HNRNPA1L2: variants seen among roughly 807,000 people sequenced by gnomAD.
HNRNPA1L2 encodes heterogeneous nuclear ribonucleoprotein A1 like 2, also known as heterogeneous nuclear ribonucleoprotein A1-like 2.
In HNRNPA1L2, 10 loss-of-function variants were observed where a neutral mutation model predicts 18.2. The ratio of observed to expected loss-of-function variants is 0.55; its 90% CI spans 0.34 to 0.93. The LOEUF is 0.93. Ranked by LOEUF, HNRNPA1L2 falls within the 40% of genes least tolerant of loss-of-function variation. HNRNPA1L2 has a pLI of 0.02. For missense variants in HNRNPA1L2, 308 were observed against 394.4 expected (o/e 0.78, Z 1.85); for synonymous variants, 124 against 138.6 (o/e 0.89, Z 0.74).
the HNRNPA1L2 span, among the ~76,000 whole-genome samples, chr13:52,630,011 C>A: frequency 6.6e-6 from 1 of 152,172 alleles, no homozygotes; most frequent in Non-Finnish European, 1.5e-5. Flanking sequence ...TTGCTTGAAT[C>A]TGGGAGGTGG....
In HNRNPA1L2 at chr13:52,642,843, A is replaced by G. The variant is rs754836070; in HGVS notation, c.351A>G (p.Glu117=). 4 of 1,596,492 alleles carry G rather than the reference A, an allele frequency of 2.5e-6. No individual in the cohort carries two copies. In the African/African-American group the frequency reaches 5.3e-5, roughly 21 times the overall value. The change falls in exon 1 of 1, where the codon GAA becomes GAG. Residue 117 remains glutamate, a synonymous_variant. Transcript: ENST00000357495. ...TTGGTGGCATTAAAGAAGACACTGA[A>G]GAACATCACCTAAGAGATTATTTTG... ...IFVGGIKEDT[E]EHHLRDYFEQ... is the part of the protein sequence containing the mutation.
At chr13:52,635,303 CAGGT>C in the HNRNPA1L2 span, among the ~76,000 whole-genome samples, 1 of 151,848 alleles carries the variant, frequency 6.6e-6, no homozygotes, top group African/African-American at 2.4e-5. Flanking sequence ...AGTGTGTAAA[CAGGT>C]AGAGTGGAGG....
chr13:52,623,161 T>C, the HNRNPA1L2 span, among the ~76,000 whole-genome samples: 4 of 152,210 alleles, frequency 2.6e-5, no homozygotes, highest in Non-Finnish European at 5.9e-5. Flanking sequence ...CATATAAGTA[T>C]GTGGAAGTAA....
the HNRNPA1L2 span, among the ~76,000 whole-genome samples, chr13:52,635,621 CACAA>C: frequency 1.6e-5 from 2 of 126,170 alleles, no homozygotes; most frequent in Non-Finnish European, 3.4e-5. Context: ...CACACACACA[CACAA>C]TGCAGGCAAC....
At chr13:52,629,316 G>A in the HNRNPA1L2 span, 1 of 218,772 alleles carries the variant, frequency 4.6e-6, no homozygotes, top group East Asian at 1.1e-4. Context: ...CCAAGGCTAT[G>A]ACAATTATCC....
the HNRNPA1L2 span, among the ~76,000 whole-genome samples, chr13:52,628,449 A>AC: frequency 1.3e-5 from 2 of 152,140 alleles, 1 homozygote; most frequent in South Asian, 4.2e-4. Context: ...TCTCTGAAAG[A>AC]AATTATATTT....
the HNRNPA1L2 span, among the ~76,000 whole-genome samples, chr13:52,621,060 C>A: frequency 6.6e-6 from 1 of 152,062 alleles, no homozygotes; most frequent in Non-Finnish European, 1.5e-5. Flanking sequence ...ATATATTATA[C>A]CCTCTTACTG....
the HNRNPA1L2 span, among the ~76,000 whole-genome samples, chr13:52,628,043 A>G: frequency 6.6e-6 from 1 of 151,936 alleles, no homozygotes; most frequent in African/African-American, 2.4e-5. Context: ...GCTACGTTAG[A>G]CTCCTTGCTG....
chr13:52,622,112 A>G, the HNRNPA1L2 span: 1 of 161,144 alleles, frequency 6.2e-6, no homozygotes. Flanking sequence ...TGTAAAGGAA[A>G]ACAGAGAAAA....
At chr13:52,639,876 G>GTT (rs371984561), upstream of HNRNPA1L2, among the ~76,000 whole-genome samples, 350 of 56,982 alleles carry the variant, frequency 6.1e-3, 15 homozygotes, top group African/African-American at 0.021. Context: ...TGTTGTTCTT[G>GTT]TTTTTTTTTT....
the HNRNPA1L2 span, among the ~76,000 whole-genome samples, chr13:52,618,873 T>C: frequency 2.0e-5 from 3 of 152,242 alleles, no homozygotes; most frequent in Non-Finnish European, 4.4e-5. Flanking sequence ...GAGTTACTTA[T>C]ACATAATTTT....
At chr13:52,640,016 T>A (rs1391430835), upstream of HNRNPA1L2, among the ~76,000 whole-genome samples, 1 of 151,216 alleles carries the variant, frequency 6.6e-6, no homozygotes, top group Non-Finnish European at 1.5e-5. Context: ...CTTGGCTCAC[T>A]GCAACTGTCA....
the HNRNPA1L2 span, among the ~76,000 whole-genome samples, chr13:52,633,123 T>C: frequency 1.6e-3 from 241 of 152,352 alleles, no homozygotes; most frequent in African/African-American, 5.6e-3. Flanking sequence ...GATTAGCCAC[T>C]AATTTGGGTT....
the HNRNPA1L2 span, among the ~76,000 whole-genome samples, chr13:52,634,794 G>A: frequency 1.3e-5 from 2 of 152,104 alleles, no homozygotes; most frequent in African/African-American, 4.8e-5. Context: ...TTGGTGTTGT[G>A]TAGGTCTGGA....
chr13:52,620,942 T>C, the HNRNPA1L2 span, among the ~76,000 whole-genome samples: 1 of 152,112 alleles, frequency 6.6e-6, no homozygotes, highest in Admixed American at 6.5e-5. Flanking sequence ...CACATCAGCT[T>C]CATATAAGTA....
upstream of HNRNPA1L2, chr13:52,642,163 C>G: frequency 3.0e-6 from 1 of 337,210 alleles, no homozygotes; most frequent in Non-Finnish European, 5.4e-6. Context: ...ATATGGCCAA[C>G]AATGTGGGGT....
the HNRNPA1L2 span, among the ~76,000 whole-genome samples, chr13:52,618,604 A>G: frequency 3.3e-5 from 5 of 152,344 alleles, no homozygotes; most frequent in East Asian, 1.9e-4. Context: ...GGATTATGGT[A>G]TCCTTAACGT....
the HNRNPA1L2 span, among the ~76,000 whole-genome samples, chr13:52,622,632 A>T: frequency 5.4e-4 from 82 of 152,308 alleles, no homozygotes; most frequent in South Asian, 0.015. Context: ...CATGTCTGTA[A>T]AGGACTCACT....
At chr13:52,623,441 C>G in the HNRNPA1L2 span, among the ~76,000 whole-genome samples, 1 of 152,052 alleles carries the variant, frequency 6.6e-6, no homozygotes, top group African/African-American at 2.4e-5. Context: ...TCCACTTAAA[C>G]CAAAATTGAA....
Sources: allele counts gnomAD v4.1 joint callset (sites outside exome capture counted in the v4.1 genomes callset), GRCh38; gene constraint gnomAD v4.1.1; transcripts MANE v1.5; gene names NCBI Gene and HGNC (gene_info 2026-07-23, HGNC 2026-07-21).